Variants in EML6 observed in about 807,000 individuals in gnomAD.
EML6 encodes the protein echinoderm microtubule-associated protein-like 6.
EML6 carries 154 observed loss-of-function variants against 240.1 expected under a neutral mutation model. The observed-to-expected ratio is 0.64, with a 90% CI of 0.56 to 0.73. The LOEUF (loss-of-function observed/expected upper bound fraction) is 0.73. Among genes scored for constraint, EML6 ranks in the 30% least tolerant of loss-of-function variants. EML6 has a pLI of 0.00. For missense variants in EML6, 2,964 were observed against 2,474.6 expected, an observed-to-expected ratio of 1.20 and a Z score of -4.20; for synonymous variants, 1,148 against 899.0, an observed-to-expected ratio of 1.28 and a Z score of -4.95.
chr2:54,803,328 T>C (rs774645465), intron 2 of EML6, among the ~76,000 whole-genome samples: 22 of 152,168 alleles, frequency 1.4e-4, no homozygotes, highest in Non-Finnish European at 2.2e-4. Flanking sequence ...TAGAAAAGAA[T>C]AGGACCTCAA....
chr2:54,858,435 A>G (rs547839672), intron 11 of EML6, among the ~76,000 whole-genome samples: 5 of 152,378 alleles, frequency 3.3e-5, no homozygotes, highest in Non-Finnish European at 7.3e-5. Flanking sequence ...AGAAGAGGCC[A>G]ACACTTTAAG....
chr2:54,777,865 A>G (rs1668668639), intron 2 of EML6, among the ~76,000 whole-genome samples: 1 of 152,214 alleles, frequency 6.6e-6, no homozygotes, highest in East Asian at 1.9e-4. Context: ...TTTATAGCAA[A>G]TTTCTTCTGA....
chr2:54,909,304 T>C (rs193270906), intron 24 of EML6, among the ~76,000 whole-genome samples: 1 of 152,360 alleles, frequency 6.6e-6, no homozygotes, highest in East Asian at 1.9e-4. Context: ...CATTTTCTTA[T>C]AATTCTAAAT....
intron 13 of EML6, 61 bp from the exon 14 acceptor site, chr2:54,866,705 G>A (rs1961245): frequency 0.41 from 342,528 of 845,580 alleles, 73,407 homozygotes; most frequent in African/African-American, 0.6. Flanking sequence ...ATGTCAAGAT[G>A]CTGATATTTT....
chr2:54,875,183 T>G (rs576895514), intron 16 of EML6, among the ~76,000 whole-genome samples: 1 of 152,218 alleles, frequency 6.6e-6, no homozygotes, highest in South Asian at 2.1e-4. Context: ...GAGGCCCCCA[T>G]GTGGAACAGC....
At chr2:54,749,141 G>A (rs1379527769) in intron 2 of EML6, among the ~76,000 whole-genome samples, 2 of 152,104 alleles carry the variant, frequency 1.3e-5, no homozygotes, top group East Asian at 3.9e-4. Flanking sequence ...TATTCCTGAC[G>A]GCTTCCTCTG....
intron 28 of EML6, among the ~76,000 whole-genome samples, chr2:54,935,315 A>C (rs1162772380): frequency 6.6e-6 from 1 of 152,236 alleles, no homozygotes; most frequent in African/African-American, 2.4e-5. Context: ...TTTGGAGAAC[A>C]CACAAAATCT....
At chr2:54,887,278 G>A (rs1001044355) in intron 17 of EML6, among the ~76,000 whole-genome samples, 1 of 152,090 alleles carries the variant, frequency 6.6e-6, no homozygotes, top group African/African-American at 2.4e-5. Flanking sequence ...CTTAGTTCAG[G>A]GTTCAAAGTG....
chr2:54,743,351 T>C (rs1449429777), intron 2 of EML6, among the ~76,000 whole-genome samples: 1 of 152,222 alleles, frequency 6.6e-6, no homozygotes, highest in African/African-American at 2.4e-5. Context: ...GAACTCCAAA[T>C]GACAGTGGCC....
chr2:54,869,073 C>A, intron 14 of EML6, 108 bp from the exon 15 acceptor site: 1 of 651,108 alleles, frequency 1.5e-6, no homozygotes, highest in Non-Finnish European at 2.6e-6. Context: ...ACCTGGGGTT[C>A]CACTTGTACA....
intron 2 of EML6, among the ~76,000 whole-genome samples, chr2:54,801,829 C>G (rs1266186403): frequency 2.6e-5 from 4 of 152,184 alleles, no homozygotes; most frequent in African/African-American, 9.7e-5. Flanking sequence ...AAACGTCATG[C>G]CATCACTTCT....
rs1673947147 is a variant in EML6, at chr2:54,916,932, C to G, written c.3672C>G (p.Val1224=). 6.5e-7 allele frequency: 1 copy of G among 1,535,532 alleles called. No homozygotes were observed. Among genetic ancestry groups the G allele is most frequent in the Non-Finnish European group, 8.8e-7 (1 of 1,133,410 alleles). Residue 1224 remains valine, a synonymous_variant, in exon 26 of 42, where the codon GTC becomes GTG. Transcript: ENST00000356458. The part of the protein sequence containing the change: ...FGFVKLFSYP[V]KGQHARFKKY... ...TCGTTAAGCTTTTTTCATATCCTGTCAAGGTAATATTGCGTGTTTATTATC... is the reference window on the plus strand; with the variant it reads ...TCGTTAAGCTTTTTTCATATCCTGTGAAGGTAATATTGCGTGTTTATTATC...
At chr2:54,767,845 C>A (rs1668250416) in intron 2 of EML6, among the ~76,000 whole-genome samples, 1 of 152,106 alleles carries the variant, frequency 6.6e-6, no homozygotes, top group Non-Finnish European at 1.5e-5. Flanking sequence ...TGGTCTCAAA[C>A]TGCTGAGCTC....
chr2:54,789,470 C>A (rs1451484701), intron 2 of EML6, among the ~76,000 whole-genome samples: 3 of 129,628 alleles, frequency 2.3e-5, no homozygotes, highest in Non-Finnish European at 3.1e-5. Flanking sequence ...GCCGAGATTA[C>A]GCCACTGCAC....
chr2:54,757,452 C>T (rs1200070498), intron 2 of EML6, among the ~76,000 whole-genome samples: 1 of 152,164 alleles, frequency 6.6e-6, no homozygotes, highest in African/African-American at 2.4e-5. Context: ...CAGAAAGGAA[C>T]CTCCAATCTC....
intron 26 of EML6, among the ~76,000 whole-genome samples, chr2:54,925,046 C>G (rs1331479716): frequency 6.6e-6 from 1 of 152,158 alleles, no homozygotes; most frequent in Non-Finnish European, 1.5e-5. Context: ...TGTTAAAGCC[C>G]TAACTCCCAA....
chr2:54,902,309 A>G (rs990214346), intron 22 of EML6, among the ~76,000 whole-genome samples: 4 of 152,198 alleles, frequency 2.6e-5, no homozygotes, highest in African/African-American at 9.7e-5. Flanking sequence ...CAGGTATTTA[A>G]ATACTCATAA....
intron 3 of EML6, among the ~76,000 whole-genome samples, chr2:54,813,653 A>G (rs759402079): frequency 2.1e-4 from 32 of 152,200 alleles, no homozygotes; most frequent in Non-Finnish European, 4.1e-4. Context: ...CATGGTGATC[A>G]GGTTCACCAT....
At chr2:54,888,118 A>C (rs191086330) in intron 17 of EML6, among the ~76,000 whole-genome samples, 175 of 152,342 alleles carry the variant, frequency 1.1e-3, no homozygotes, top group Non-Finnish European at 1.9e-3. Flanking sequence ...TTGACGGGCA[A>C]GGAGACAGGA....
Sources: allele counts gnomAD v4.1 joint callset (sites outside exome capture counted in the v4.1 genomes callset), GRCh38; gene constraint gnomAD v4.1.1; transcripts MANE v1.5; gene names NCBI Gene and HGNC (gene_info 2026-07-23, HGNC 2026-07-21).